NFRKB: variants seen among roughly 807,000 people sequenced by gnomAD.
The protein encoded by NFRKB is nuclear factor related to kappaB binding protein.
NFRKB carries 62 observed loss-of-function variants against 135.7 expected under a neutral mutation model. The observed-to-expected ratio is 0.46, with a 90% CI of 0.37 to 0.56. The LOEUF is 0.56. Ranked by LOEUF, NFRKB falls within the 20% of genes least tolerant of loss-of-function variation. The pLI is 0.00. For synonymous variants in NFRKB, 678 were observed against 635.6 expected, an observed-to-expected ratio of 1.07 and a Z score of -1.00; for missense variants, 1,545 against 1,662.0, an observed-to-expected ratio of 0.93 and a Z score of 1.22.
At chr11:129,881,681 G>C (rs746325071) in intron 12 of NFRKB, 46 bp downstream of exon 12, 3 of 1,604,620 alleles carry the variant, frequency 1.9e-6, no homozygotes, top group South Asian at 1.1e-5. Flanking sequence ...TAATTAATTA[G>C]ACAAAAGGGG....
chr11:129,882,502 G>A lies in NFRKB; in HGVS notation c.1031C>T (p.Ala344Val), dbSNP rs1949078566. 1 of 1,614,042 alleles carries A rather than the reference G, an allele frequency of 6.2e-7. No individual in the cohort carries two copies. Among genetic ancestry groups the A allele is most frequent in the Non-Finnish European group, 8.5e-7 (1 of 1,179,930 alleles). The change falls in exon 10 of 27, where the codon GCA becomes GTA. Residue 344 changes from alanine to valine, a missense_variant. Around this residue, in one of 3 missense-constraint regions of NFRKB, gnomAD observed 678 missense variants for 646.7 expected, o/e 1.05. Coordinates refer to ENST00000682444, the MANE Select transcript of NFRKB (RefSeq NM_001143835.2). ...AEPLSSTEGVAPLSQAPSPLA... is the reference protein window; with the variant it reads ...AEPLSSTEGVVPLSQAPSPLA... The stretch of plus-strand genomic sequence containing the variant: ...CGGAGAGGGGGCCTGTGAGAGAGGT[G>A]CGACCCCTTCAGTACTGCTTAGCGG...
At chr11:129,894,210 A>G (rs1949677451) in intron 2 of NFRKB, 149 bp downstream of exon 2, 1 of 152,212 alleles carries the variant, frequency 6.6e-6, no homozygotes, top group Non-Finnish European at 1.5e-5. Flanking sequence ...CACTCTACCA[A>G]CATTTACTAA....
intron 15 of NFRKB, 146 bp downstream of exon 15, chr11:129,878,163 C>G: frequency 2.6e-6 from 2 of 780,434 alleles, no homozygotes; most frequent in Non-Finnish European, 4.1e-6. Context: ...TCAGGGGGTG[C>G]GGCCAAGTCA....
At chr11:129,879,837 C>A (rs1240588524) in intron 13 of NFRKB, among the ~76,000 whole-genome samples, 1 of 152,186 alleles carries the variant, frequency 6.6e-6, no homozygotes, top group Non-Finnish European at 1.5e-5. Context: ...AATTCTAAAC[C>A]CACACATCCT....
intron 9 of NFRKB, 82 bp downstream of exon 9, chr11:129,883,040 C>T: frequency 7.9e-7 from 1 of 1,260,880 alleles, no homozygotes; most frequent in Non-Finnish European, 1.1e-6. Context: ...GCCATGGTTT[C>T]ATTTATTTTT....
At chr11:129,883,078 C>T in intron 9 of NFRKB, 44 bp downstream of exon 9, 1 of 1,579,494 alleles carries the variant, frequency 6.3e-7, no homozygotes, top group Non-Finnish European at 8.7e-7. Context: ...CGCAACTTAA[C>T]ACCATAGTCA....
chr11:129,881,463 G>A lies in NFRKB; in HGVS notation c.1364C>T (p.Thr455Ile). 3 of 1,614,168 alleles carry A rather than the reference G, an allele frequency of 1.9e-6. No individual in the cohort carries two copies. The highest frequency in any genetic ancestry group is 2.5e-6 in the Non-Finnish European group (3 of 1,180,016). Residue 455 changes from threonine to isoleucine, a missense_variant, in exon 13 of 27, where the codon ACC (threonine) becomes ATC (isoleucine). Thr to Ile is a moderately conservative substitution (Grantham distance 89, BLOSUM62 -1). This residue lies in a region of NFRKB where 678 missense variants were observed against 646.7 expected (regional missense o/e 1.05). Transcript: ENST00000682444. The part of the protein sequence containing the change: ...FSPFVEFKEK[T>I]QQWKLLGQSQ... ...CTTACCAAGCAACTTCCACTGCTGG[G>A]TTTTCTCTTTGAATTCAACAAATGG... is the stretch of plus-strand genomic sequence containing the variant.
intron 13 of NFRKB, among the ~76,000 whole-genome samples, chr11:129,881,158 T>C (rs1001244413): frequency 1.3e-5 from 2 of 152,232 alleles, no homozygotes; most frequent in African/African-American, 2.4e-5. Context: ...TAAATGTCGA[T>C]GCTCTTGCAA....
In NFRKB at chr11:129,873,652, C is replaced by T. The variant is rs995938890; in HGVS notation, c.2550+93G>A. 36 of 1,513,176 alleles carry T rather than the reference C, an allele frequency of 2.4e-5. No individual in the cohort carries two copies. The African/African-American group carries it at 3.7e-4, about 16-fold the overall frequency. 93.7% of individuals were successfully genotyped at this position (1,513,176 alleles called of 1,614,324 possible). A position where few individuals can be genotyped will look rare whatever the true frequency, so the allele number is the denominator to read the frequency against. The stretch of plus-strand genomic sequence containing the variant: ...CACCAGTAGCAATAATCTATGGCTC[C>T]CCAGTCCTTACCCAGACACTGCCCA... On this transcript the variant is annotated intron_variant, in intron 22 of 26. Transcript: ENST00000682444.
intron 3 of NFRKB, among the ~76,000 whole-genome samples, chr11:129,890,618 G>A (rs1185716829): frequency 6.6e-6 from 1 of 152,190 alleles, no homozygotes; most frequent in African/African-American, 2.4e-5. Flanking sequence ...GCTATACCAT[G>A]CTCCACACCT....
Position 129,892,830 on chromosome 11 carries a change from A to C in NFRKB, c.20T>G (p.Met7Arg). The C allele has an allele frequency of 6.2e-7, 1 of 1,614,232 alleles. No individual in the cohort carries two copies. Among genetic ancestry groups the C allele is most frequent in the Non-Finnish European group, 8.5e-7 (1 of 1,180,044 alleles). The change falls in exon 3 of 27, where the codon ATG becomes AGG. Residue 7 changes from methionine (M) to arginine (R), a missense_variant. Around this residue, in one of 3 missense-constraint regions of NFRKB, gnomAD observed 678 missense variants for 646.7 expected, o/e 1.05. Transcript: ENST00000682444. ...ACCAAGTTCCAGAGGATCTGTCAGC[A>C]TATGGTCTAAGGAATCCATTGTTTC... MDSLDH[M>R]LTDPLELGPC...
intron 10 of NFRKB, 75 bp downstream of exon 10, chr11:129,882,376 G>T: frequency 6.6e-7 from 1 of 1,520,256 alleles, no homozygotes; most frequent in Non-Finnish European, 8.9e-7. Flanking sequence ...GCTACGACAA[G>T]CCCTAGGGGC....
Position 129,873,986 on chromosome 11 carries a change from G to A in NFRKB, c.2309C>T (p.Pro770Leu), listed in dbSNP as rs1948642663. The A allele has an allele frequency of 6.2e-7, 1 of 1,612,816 alleles. No homozygotes were observed. Among genetic ancestry groups the A allele is most frequent in the East Asian group, 2.2e-5 (1 of 44,878 alleles). ...TGGGGAAAGCATTGTTCCCAGATGT[G>A]GCATTGTTGGTGAAGACACCAGAAG... is the stretch of plus-strand genomic sequence containing the variant. The part of the protein sequence containing the change: ...GVLLVSSPTM[P>L]HLGTMLSPAS... Residue 770 changes from proline (P) to leucine (L), a missense_variant, in exon 22 of 27, where the codon CCA (proline) becomes CTA (leucine). By Grantham distance (98) the Pro-to-Leu change is moderately conservative. Around this residue, in one of 3 missense-constraint regions of NFRKB, gnomAD observed 753 missense variants for 804.3 expected, o/e 0.94. Coordinates refer to ENST00000682444, the MANE Select transcript of NFRKB (RefSeq NM_001143835.2).
chr11:129,866,910 C>G (rs1295495634), intron 24 of NFRKB, among the ~76,000 whole-genome samples: 1 of 152,146 alleles, frequency 6.6e-6, no homozygotes, highest in African/African-American at 2.4e-5. Context: ...GGTCCCCGCA[C>G]CTATCTCCAT....
chr11:129,893,277 G>T (rs545671202), intron 2 of NFRKB: 18 of 473,952 alleles, frequency 3.8e-5, no homozygotes, highest in Non-Finnish European at 6.7e-5. Flanking sequence ...TGTTGGCTGG[G>T]TGCAGTAACT....
intron 3 of NFRKB, among the ~76,000 whole-genome samples, chr11:129,890,164 A>C (rs1208593082): frequency 1.3e-5 from 2 of 151,990 alleles, no homozygotes; most frequent in African/African-American, 2.4e-5. Flanking sequence ...TTTATCCCTA[A>C]GGACAATGGA....
rs145488388 is a variant in NFRKB, at chr11:129,868,008, T to C, written c.3531+1486A>G. The stretch of plus-strand genomic sequence containing the variant: ...TATATTTCAAATGCATTAACAATTA[T>C]ACTTTTTTTTTTTAAAACTCAAGGT... On this transcript the variant is annotated intron_variant, in intron 24 of 26. Coordinates refer to ENST00000682444, the MANE Select transcript of NFRKB (RefSeq NM_001143835.2). Among the ~76,000 whole-genome samples, 385 of 152,188 alleles carry C rather than the reference T, an allele frequency of 2.5e-3. 2 individuals carry two copies. Among genetic ancestry groups the C allele is most frequent in the African/African-American group, 8.9e-3 (369 of 41,440 alleles).
Position 129,881,986 on chromosome 11 carries a change from T to A in NFRKB, c.1191+100A>T, listed in dbSNP as rs533854967. 7 of 1,460,788 alleles carry A rather than the reference T, an allele frequency of 4.8e-6. No homozygotes were observed. The African/African-American group carries it at 9.9e-5, about 21-fold the overall frequency. 90.5% of individuals were successfully genotyped at this position (1,460,788 alleles called of 1,614,324 possible). A position where few individuals can be genotyped will look rare whatever the true frequency, so the allele number is the denominator to read the frequency against. The stretch of plus-strand genomic sequence containing the variant: ...CACAAAGCAAGTTAACTACAGAGCG[T>A]TGAGAGGAACTCAGAGTTCCACTTC... On this transcript the variant is annotated intron_variant, in intron 11 of 26. Coordinates refer to ENST00000682444, the MANE Select transcript of NFRKB (RefSeq NM_001143835.2).
At chr11:129,865,253 C>A in intron 25 of NFRKB, 152 bp from the exon 26 acceptor site, 2 of 847,018 alleles carry the variant, frequency 2.4e-6, no homozygotes, top group Non-Finnish European at 1.8e-6. Context: ...CTGAGACCAC[C>A]TTTCTTCCAG....
Sources: allele counts gnomAD v4.1 joint callset (sites outside exome capture counted in the v4.1 genomes callset), GRCh38; gene constraint gnomAD v4.1.1; regional missense constraint gnomAD v4.1.1; transcripts MANE v1.5; gene names NCBI Gene and HGNC (gene_info 2026-07-23, HGNC 2026-07-21).